Variants in ZEB2 observed in about 807,000 individuals in gnomAD.
ZEB2 encodes the protein zinc finger E-box-binding homeobox 2.
A neutral mutation model predicts 99.9 loss-of-function variants in ZEB2; 6 were observed. The ratio of observed to expected loss-of-function variants is 0.06; its 90% CI spans 0.03 to 0.12. The LOEUF is 0.12. ZEB2 is among the 10% of genes least tolerant of loss of function. The pLI is 1.00. For synonymous variants in ZEB2, 517 were observed against 542.5 expected (o/e 0.95, Z 0.65); for missense variants, 969 against 1,502.8 (o/e 0.64, Z 5.87).
intron 2 of ZEB2, chr2:144,516,229 C>A (rs1186828358): frequency 1.3e-5 from 2 of 148,368 alleles, no homozygotes; most frequent in African/African-American, 2.5e-5. Flanking sequence ...CCCACCCCCC[C>A]CCGGCACCCT....
chr2:144,486,621 C>T (rs1573792692), intron 2 of ZEB2, among the ~76,000 whole-genome samples: 1 of 151,946 alleles, frequency 6.6e-6, no homozygotes, highest in Non-Finnish European at 1.5e-5. Context: ...ACAACTGAAA[C>T]AGAGACAATT....
At position 144,389,250 on chromosome 2, in the gene ZEB2, A is replaced by G; in HGVS notation, c.*201T>C. 1 of 634,660 alleles carries G rather than the reference A, an allele frequency of 1.6e-6. No homozygotes were observed. Among genetic ancestry groups the G allele is most frequent in the Non-Finnish European group, 2.8e-6 (1 of 362,278 alleles). 39.3% of individuals were successfully genotyped at this position (634,660 alleles called of 1,614,324 possible). A position where few individuals can be genotyped will look rare whatever the true frequency, so the allele number is the denominator to read the frequency against. On this transcript the variant is annotated 3_prime_UTR_variant, in exon 10 of 10. Coordinates refer to ENST00000627532, the MANE Select transcript of ZEB2 (RefSeq NM_014795.4). This position sits in a 1 kb window ranked among gnomAD's most constrained non-coding sequence, Gnocchi z 6.8. The stretch of plus-strand genomic sequence containing the variant: ...TTTTTAGGCCTTAACACTGTACAAA[A>G]TTTTTGCATAATGCAGTTTTTAACA...
intron 2 of ZEB2, among the ~76,000 whole-genome samples, chr2:144,499,466 G>C (rs2149924481): frequency 1.3e-5 from 2 of 152,240 alleles, no homozygotes; most frequent in African/African-American, 4.8e-5. Context: ...ATAGCATAAT[G>C]TTTTGTAGAA....
chr2:144,510,829 T>C (rs1705024171), intron 2 of ZEB2, among the ~76,000 whole-genome samples: 2 of 152,220 alleles, frequency 1.3e-5, no homozygotes, highest in South Asian at 4.1e-4. Context: ...CCTTTCTTTG[T>C]TCTCCCCTCA....
chr2:144,519,214 G>A (rs1705223612), intron 1 of ZEB2: 2 of 151,984 alleles, frequency 1.3e-5, no homozygotes, highest in Admixed American at 1.3e-4. Flanking sequence ...CTGATATCCT[G>A]ACAGCAGTTT....
intron 2 of ZEB2, among the ~76,000 whole-genome samples, chr2:144,446,082 GT>G: frequency 6.6e-6 from 1 of 151,276 alleles, no homozygotes; most frequent in East Asian, 2.0e-4. Context: ...CTGAACTTAA[GT>G]GCTCAAATTC....
intron 2 of ZEB2, chr2:144,507,288 T>C (rs1704963558): frequency 1.3e-5 from 2 of 152,042 alleles, no homozygotes; most frequent in Middle Eastern, 3.4e-3. Flanking sequence ...TACAATAGAG[T>C]ATGACATTTA....
At chr2:144,493,713 C>T (rs1449603755) in intron 2 of ZEB2, among the ~76,000 whole-genome samples, 3 of 152,190 alleles carry the variant, frequency 2.0e-5, no homozygotes, top group Non-Finnish European at 4.4e-5. Context: ...CAATTCATAG[C>T]TTCTAACTTT....
intron 2 of ZEB2, among the ~76,000 whole-genome samples, chr2:144,481,096 G>A (rs1457023441): frequency 6.6e-6 from 1 of 152,122 alleles, no homozygotes; most frequent in Non-Finnish European, 1.5e-5. Flanking sequence ...ATTTATAGAG[G>A]AAAAGAGAAG....
At chr2:144,418,549 G>A (rs1188809912) in intron 4 of ZEB2, among the ~76,000 whole-genome samples, 2 of 151,906 alleles carry the variant, frequency 1.3e-5, no homozygotes, top group Non-Finnish European at 2.9e-5. Flanking sequence ...TTAGCCGGGC[G>A]TGGTGGCGCA....
chr2:144,503,923 T>C (rs1394492838), intron 2 of ZEB2: 2 of 152,046 alleles, frequency 1.3e-5, no homozygotes, highest in African/African-American at 4.8e-5. Flanking sequence ...TTGCTACTTG[T>C]ACTGGCTTTT....
At chr2:144,503,080 C>T (rs756953678) in intron 2 of ZEB2, among the ~76,000 whole-genome samples, 39 of 152,008 alleles carry the variant, frequency 2.6e-4, no homozygotes, top group Middle Eastern at 3.2e-3. Context: ...ATCTTTTATC[C>T]TAATAAGACT....
At chr2:144,451,907 T>G (rs1573762290) in intron 2 of ZEB2, among the ~76,000 whole-genome samples, 1 of 152,328 alleles carries the variant, frequency 6.6e-6, no homozygotes, top group South Asian at 2.1e-4. Flanking sequence ...ATGAAGCTCA[T>G]TTTGATTAAT....
chr2:144,488,338 T>A (rs931090224), intron 2 of ZEB2, among the ~76,000 whole-genome samples: 1 of 152,222 alleles, frequency 6.6e-6, no homozygotes, highest in Non-Finnish European at 1.5e-5. Flanking sequence ...GAGATTTAAA[T>A]ACAGTGGAAC....
intron 4 of ZEB2, among the ~76,000 whole-genome samples, chr2:144,406,516 C>T (rs1042229487): frequency 6.6e-6 from 1 of 152,116 alleles, no homozygotes; most frequent in Non-Finnish European, 1.5e-5. Context: ...AATGTAGAAG[C>T]TGGAGAAGAG....
chr2:144,478,715 A>C (rs1474320689), intron 2 of ZEB2, among the ~76,000 whole-genome samples: 1 of 152,252 alleles, frequency 6.6e-6, no homozygotes, highest in Non-Finnish European at 1.5e-5. Flanking sequence ...AATTCAAATT[A>C]TTCTTTCTTT....
intron 2 of ZEB2, among the ~76,000 whole-genome samples, chr2:144,501,214 C>T (rs1704864145): frequency 6.6e-6 from 1 of 152,198 alleles, no homozygotes; most frequent in South Asian, 2.1e-4. Flanking sequence ...CACACCCACT[C>T]CCAATCTCAG....
intron 4 of ZEB2, among the ~76,000 whole-genome samples, chr2:144,420,333 C>T (rs762582190): frequency 2.0e-4 from 30 of 152,098 alleles, no homozygotes; most frequent in Admixed American, 3.9e-4. Flanking sequence ...GGACTGAAGC[C>T]ATCCTCCAGC....
chr2:144,496,159 T>C (rs77687119), intron 2 of ZEB2: 57 of 152,362 alleles, frequency 3.7e-4, no homozygotes, highest in African/African-American at 1.2e-3. Context: ...AGTTTGAGAA[T>C]TGGTGAGTCT....
Sources: allele counts gnomAD v4.1 joint callset (sites outside exome capture counted in the v4.1 genomes callset), GRCh38; gene constraint gnomAD v4.1.1; non-coding constraint Gnocchi (gnomAD v3.1); transcripts MANE v1.5; gene names NCBI Gene and HGNC (gene_info 2026-07-23, HGNC 2026-07-21).